The following SNX7 variants were observed in gnomAD, a reference collection of about 807,000 sequenced individuals.
The protein encoded by SNX7 is sorting nexin 7, also known as sorting nexin-7.
SNX7 carries 35 observed loss-of-function variants against 48.4 expected under a neutral mutation model. That is an observed-to-expected ratio of 0.72 (90% CI 0.55 to 0.96). SNX7 has a LOEUF of 0.96. SNX7 is among the 40% of genes least tolerant of loss of function. The pLI, the probability that SNX7 is intolerant of heterozygous loss-of-function variation, is 0.00. For synonymous variants in SNX7, 190 were observed against 190.2 expected (o/e 1.00, Z 0.01); for missense variants, 553 against 548.9 (o/e 1.01, Z -0.07).
At chr1:98,743,148 C>T (rs1420286016) in intron 8 of SNX7, among the ~76,000 whole-genome samples, 1 of 151,862 alleles carries the variant, frequency 6.6e-6, no homozygotes, top group East Asian at 1.9e-4. Context: ...AATGTCAGTT[C>T]CCTCATGTAA....
intron 8 of SNX7, among the ~76,000 whole-genome samples, chr1:98,741,078 C>G (rs1328198729): frequency 6.6e-6 from 1 of 152,134 alleles, no homozygotes; most frequent in Non-Finnish European, 1.5e-5. Context: ...CAGAAAATCT[C>G]AGATATACAG....
At chr1:98,684,573 G>A (rs1479536958) in intron 1 of SNX7, among the ~76,000 whole-genome samples, 3 of 152,092 alleles carry the variant, frequency 2.0e-5, no homozygotes, top group Non-Finnish European at 2.9e-5. Context: ...ACCTTTAAAG[G>A]CTCCACCTCT....
chr1:98,698,847 T>C lies in SNX7; in HGVS notation c.980T>C (p.Leu327Pro). 1 of 1,613,868 alleles carries C rather than the reference T, an allele frequency of 6.2e-7. No homozygotes were observed. The highest frequency in any genetic ancestry group is 8.5e-7 in the Non-Finnish European group (1 of 1,179,812). Residue 327 changes from leucine to proline, a missense_variant, in exon 6 of 9, where the codon CTC (leucine) becomes CCC (proline). Leu to Pro is a moderately conservative substitution (Grantham distance 98, BLOSUM62 -3). Coordinates refer to ENST00000306121, the MANE Select transcript of SNX7 (RefSeq NM_015976.5). Reference protein sequence around the residue: ...CKATEKRMSGLSEALLPVVHE... With the variant: ...CKATEKRMSGPSEALLPVVHE... Reference sequence around the variant, plus strand: ...GCCACTGAAAAGCGGATGTCTGGACTCTCAGAGGCCCTGCTTCCTGTTGTA... The same window carrying C: ...GCCACTGAAAAGCGGATGTCTGGACCCTCAGAGGCCCTGCTTCCTGTTGTA...
At chr1:98,682,183 G>A (rs1221109289) in intron 1 of SNX7, among the ~76,000 whole-genome samples, 2 of 144,874 alleles carry the variant, frequency 1.4e-5, no homozygotes, top group East Asian at 2.0e-4. Context: ...TTCCCCTTTC[G>A]TATTCTGTTC....
At chr1:98,709,569 A>G (rs1652192296) in intron 7 of SNX7, among the ~76,000 whole-genome samples, 1 of 152,188 alleles carries the variant, frequency 6.6e-6, no homozygotes, top group African/African-American at 2.4e-5. Flanking sequence ...TATGATAAAC[A>G]TCAACAGCAC....
chr1:98,732,505 C>A (rs11166091), intron 7 of SNX7, among the ~76,000 whole-genome samples: 1 of 151,852 alleles, frequency 6.6e-6, no homozygotes, highest in Non-Finnish European at 1.5e-5. Context: ...CATAGAGTAG[C>A]GACCTGTGGA....
intron 7 of SNX7, among the ~76,000 whole-genome samples, chr1:98,720,538 A>G (rs1171018727): frequency 6.6e-6 from 1 of 152,134 alleles, no homozygotes; most frequent in Non-Finnish European, 1.5e-5. Context: ...TGAGCTATAC[A>G]TATGACACTA....
intron 2 of SNX7, among the ~76,000 whole-genome samples, chr1:98,689,297 GT>G (rs754022154): frequency 2.0e-5 from 3 of 152,280 alleles, no homozygotes; most frequent in Non-Finnish European, 2.9e-5. Context: ...GATAATGACT[GT>G]TTTCCTTATC....
intron 7 of SNX7, among the ~76,000 whole-genome samples, chr1:98,729,953 T>TA (rs756440356): frequency 6.6e-6 from 1 of 151,704 alleles, no homozygotes; most frequent in Admixed American, 6.6e-5. Context: ...AGAAATACAA[T>TA]AAAAAAAGAA....
rs535246561 is a variant in SNX7 at position 98,682,734 on chromosome 1, A to G, written c.181-2151A>G. Reference sequence around the variant, plus strand: ...AAAATCTCTAGTGTTATGAAATGTCATGGTGATGGATGCTTGTAGGAGTAC... The same window carrying G: ...AAAATCTCTAGTGTTATGAAATGTCGTGGTGATGGATGCTTGTAGGAGTAC... On this transcript the variant is annotated intron_variant, in intron 1 of 8. Coordinates refer to ENST00000306121, the MANE Select transcript of SNX7 (RefSeq NM_015976.5). Among the ~76,000 whole-genome samples the G allele has an allele frequency of 4.5e-4, 68 of 152,316 alleles. 1 individual carries two copies. Among genetic ancestry groups the G allele is most frequent in the Middle Eastern group, 3.4e-3 (1 of 294 alleles).
In SNX7 at chr1:98,691,183, C is replaced by A. The variant is rs762068830; in HGVS notation, c.472C>A (p.Pro158Thr). 1.3e-6 allele frequency: 2 copies of A among 1,586,158 alleles called. No homozygotes were observed. Among genetic ancestry groups the A allele is most frequent in the Non-Finnish European group, 1.7e-6 (2 of 1,166,712 alleles). Residue 158 changes from proline to threonine, a missense_variant and splice_region_variant, in exon 3 of 9, where the codon CCA (proline) becomes ACA (threonine). Transcript: ENST00000306121. ...AGAAGCACACCCCACTCTGATTATT[C>A]CAGTAAGTTTGCAAAATTTTTTTTT... Reference protein sequence around the residue: ...LEEAHPTLIIPPLPEKFIVKG... With the variant: ...LEEAHPTLIITPLPEKFIVKG...
intron 7 of SNX7, among the ~76,000 whole-genome samples, chr1:98,704,336 A>T (rs1169766775): frequency 3.3e-5 from 5 of 152,200 alleles, no homozygotes; most frequent in African/African-American, 1.2e-4. Flanking sequence ...GACACATTTA[A>T]CAGAGAGATT....
At chr1:98,675,452 A>G (rs1331403014) in intron 1 of SNX7, among the ~76,000 whole-genome samples, 1 of 152,098 alleles carries the variant, frequency 6.6e-6, no homozygotes, top group African/African-American at 2.4e-5. Flanking sequence ...ATCGAAGCAT[A>G]TTTTTATGAC....
Position 98,661,741 on chromosome 1 carries a change from GAGCGCCGGGC to G in SNX7, c.12_21del (p.Glu4AspfsTer58). The G allele has an allele frequency of 8.1e-7, 1 of 1,231,140 alleles. No homozygotes were observed. Among genetic ancestry groups the G allele is most frequent in the Non-Finnish European group, 1.0e-6 (1 of 982,634 alleles). The allele number at this position is 1,231,140 out of a possible 1,614,324, so 76.3% of individuals were successfully genotyped here. ...GGCGCGCACTCTCGGGATGGAGGGC[GAGCGCCGGGC>G]ATCGCAGGCGCCCTCCTCGGGCCTC... On this transcript the variant is annotated frameshift_variant, in exon 1 of 9. Coordinates refer to ENST00000306121, the MANE Select transcript of SNX7 (RefSeq NM_015976.5). LOFTEE classifies it high-confidence loss of function.
At chr1:98,753,439 C>A (rs28477977) in intron 8 of SNX7, among the ~76,000 whole-genome samples, 1,927 of 152,098 alleles carry the variant, frequency 0.013, 51 homozygotes, top group African/African-American at 0.044. Context: ...ATCGTTAATG[C>A]AGAATATGAA....
At chr1:98,674,992 A>G (rs1393185740) in intron 1 of SNX7, among the ~76,000 whole-genome samples, 1 of 152,210 alleles carries the variant, frequency 6.6e-6, no homozygotes, top group African/African-American at 2.4e-5. Flanking sequence ...TTATTATGCT[A>G]TAATCTGTTG....
chr1:98,662,430 C>A (rs1020633774), intron 1 of SNX7: 2 of 289,134 alleles, frequency 6.9e-6, no homozygotes, highest in Non-Finnish European at 1.4e-5. Flanking sequence ...TCTCCCTGAA[C>A]AGGAGAAAAC....
intron 2 of SNX7, among the ~76,000 whole-genome samples, chr1:98,690,373 A>G (rs1651051648): frequency 6.6e-6 from 1 of 151,996 alleles, no homozygotes; most frequent in Non-Finnish European, 1.5e-5. Context: ...TCTTCTTGTC[A>G]TATGTGTTGG....
At chr1:98,713,845 A>G (rs1179812612) in intron 7 of SNX7, among the ~76,000 whole-genome samples, 1 of 152,182 alleles carries the variant, frequency 6.6e-6, no homozygotes, top group African/African-American at 2.4e-5. Context: ...TCCAAATTAC[A>G]GTGGTAACAT....
Sources: allele counts gnomAD v4.1 joint callset (sites outside exome capture counted in the v4.1 genomes callset), GRCh38; gene constraint gnomAD v4.1.1; transcripts MANE v1.5; gene names NCBI Gene and HGNC (gene_info 2026-07-23, HGNC 2026-07-21).